The following ZNF385C variants were observed in gnomAD, a reference collection of about 807,000 sequenced individuals.
ZNF385C encodes the protein zinc finger protein 385C.
Under a neutral mutation model 35.4 loss-of-function variants are expected in ZNF385C, and 28 were observed. The ratio of observed to expected loss-of-function variants is 0.79; its 90% confidence interval spans 0.59 to 1.08. ZNF385C has a LOEUF of 1.08. Ranked by LOEUF, ZNF385C falls within the 50% of genes least tolerant of loss-of-function variation. The pLI is 0.00. For missense variants in ZNF385C, 605 were observed against 595.6 expected (o/e 1.02, Z -0.16); for synonymous variants, 248 against 248.2 (o/e 1.00, Z 0.01).
intron 2 of ZNF385C, among the ~76,000 whole-genome samples, chr17:42,057,183 C>T (rs782140664): frequency 6.6e-6 from 1 of 152,032 alleles, no homozygotes; most frequent in Non-Finnish European, 1.5e-5. Context: ...GACCCAAACC[C>T]AACTGTGTGG....
chr17:42,057,512 G>A (rs1275170464), intron 2 of ZNF385C, among the ~76,000 whole-genome samples: 1 of 44,384 alleles, frequency 2.3e-5, no homozygotes, highest in African/African-American at 5.4e-5. Flanking sequence ...GCGCGCGCGC[G>A]CGTGTGTGTG....
chr17:42,067,161 C>T (rs1343729785), intron 1 of ZNF385C, among the ~76,000 whole-genome samples: 3 of 152,144 alleles, frequency 2.0e-5, no homozygotes, highest in African/African-American at 7.2e-5. Context: ...ACCTCAAACA[C>T]TTGGGCTGAA....
At chr17:42,096,219 G>C (rs116191006) in intron 1 of ZNF385C, among the ~76,000 whole-genome samples, 1 of 152,160 alleles carries the variant, frequency 6.6e-6, no homozygotes, top group African/African-American at 2.4e-5. Flanking sequence ...TTCACTGTCC[G>C]TAGGGGTGCA....
At chr17:42,040,493 G>C (rs1253274000) in intron 2 of ZNF385C, 13 of 1,232,396 alleles carry the variant, frequency 1.1e-5, no homozygotes, top group Non-Finnish European at 1.3e-5. Context: ...ACAAGGGAGA[G>C]CTTCTGCACA....
intron 1 of ZNF385C, among the ~76,000 whole-genome samples, chr17:42,096,724 C>T (rs1190073165): frequency 6.6e-6 from 1 of 152,138 alleles, no homozygotes; most frequent in Non-Finnish European, 1.5e-5. Context: ...GTCTCCAAGC[C>T]AGAGCTTGTT....
At chr17:42,028,735 G>A (rs1555654621) in intron 6 of ZNF385C, 48 bp downstream of exon 6, 1 of 1,519,458 alleles carries the variant, frequency 6.6e-7, no homozygotes, top group Non-Finnish European at 8.9e-7. Flanking sequence ...GCGAGGCTTA[G>A]CTTCTGTCCC....
rs551309975 is a variant in ZNF385C, at chr17:42,034,935, T to C, written c.400-600A>G. 4.0e-5 allele frequency among the ~76,000 whole-genome samples: 6 copies of C among 151,354 alleles called. No individual in the cohort carries two copies. In the South Asian group the frequency reaches 1.3e-3, roughly 32 times the overall value. On this transcript the variant is annotated intron_variant, in intron 3 of 8. Coordinates refer to ENST00000692273, the MANE Select transcript of ZNF385C (RefSeq NM_001392013.1). ...TGAGGTCAGGAGTTCAAGACCAGCC[T>C]GGCCAAGAGAAACTCCTTCTCTACT... is the stretch of plus-strand genomic sequence containing the variant.
At chr17:42,053,348 C>T (rs2053318740) in intron 2 of ZNF385C, among the ~76,000 whole-genome samples, 2 of 151,990 alleles carry the variant, frequency 1.3e-5, no homozygotes, top group African/African-American at 4.8e-5. Context: ...GGGAGGGGAG[C>T]ATTGATTTGG....
At chr17:42,076,662 G>A (rs1243320797) in intron 1 of ZNF385C, among the ~76,000 whole-genome samples, 1 of 152,152 alleles carries the variant, frequency 6.6e-6, no homozygotes. Context: ...GAGGCTCTGA[G>A]AAGTTAACTT....
intron 2 of ZNF385C, among the ~76,000 whole-genome samples, chr17:42,041,788 C>G (rs2053028603): frequency 6.6e-6 from 1 of 152,106 alleles, no homozygotes; most frequent in South Asian, 2.1e-4. Context: ...CCAACCCAGC[C>G]CATAGGACTT....
At chr17:42,071,697 AGAG>A (rs1416316011) in intron 1 of ZNF385C, among the ~76,000 whole-genome samples, 6 of 152,220 alleles carry the variant, frequency 3.9e-5, no homozygotes, top group African/African-American at 1.4e-4. Context: ...CTCAGCAGGC[AGAG>A]GAGACCCGCC....
chr17:42,068,833 G>A (rs1358680944), intron 1 of ZNF385C, among the ~76,000 whole-genome samples: 1 of 152,192 alleles, frequency 6.6e-6, no homozygotes, highest in Non-Finnish European at 1.5e-5. Flanking sequence ...CTTAAAGCCT[G>A]CCAAATCCTG....
intron 2 of ZNF385C, among the ~76,000 whole-genome samples, chr17:42,057,654 A>G (rs1037275488): frequency 2.8e-4 from 43 of 151,892 alleles, no homozygotes; most frequent in African/African-American, 1.0e-3. Context: ...ATTCCTGAAG[A>G]ATGAAAGAGG....
chr17:42,030,487 CAAAA>C (rs1227479819), intron 5 of ZNF385C, among the ~76,000 whole-genome samples: 1 of 151,410 alleles, frequency 6.6e-6, no homozygotes, highest in African/African-American at 2.4e-5. Context: ...GACTCTGTCT[CAAAA>C]AACAAACAAA....
chr17:42,088,404 C>T (rs533413124), intron 1 of ZNF385C, among the ~76,000 whole-genome samples: 1 of 152,388 alleles, frequency 6.6e-6, no homozygotes, highest in Admixed American at 6.5e-5. Flanking sequence ...CTGACAGAGG[C>T]CCCTTTGTCT....
At chr17:42,049,479 G>C (rs1315701775) in intron 2 of ZNF385C, among the ~76,000 whole-genome samples, 1 of 152,222 alleles carries the variant, frequency 6.6e-6, no homozygotes, top group Non-Finnish European at 1.5e-5. Flanking sequence ...ACACAGTTGG[G>C]CAGTGAATAA....
At chr17:42,051,226 T>G (rs1251128968) in intron 2 of ZNF385C, among the ~76,000 whole-genome samples, 1 of 151,822 alleles carries the variant, frequency 6.6e-6, no homozygotes, top group Non-Finnish European at 1.5e-5. Flanking sequence ...GGAAGCCTCC[T>G]CCGGAGGAGT....
chr17:42,097,543 CCCTTTGTTCTATAAT>C (rs2053930877), intron 1 of ZNF385C, among the ~76,000 whole-genome samples: 1 of 152,132 alleles, frequency 6.6e-6, no homozygotes, highest in African/African-American at 2.4e-5. Context: ...GTCCTGACTT[CCCTTTGTTCTATAAT>C]CCAGGGTCCT....
At chr17:42,038,324 T>C (rs1488154280) in intron 2 of ZNF385C, 3 of 432,856 alleles carry the variant, frequency 6.9e-6, no homozygotes, top group Non-Finnish European at 1.2e-5. Context: ...TCTCTAACTA[T>C]CCTCCCTCCC....
Sources: allele counts gnomAD v4.1 joint callset (sites outside exome capture counted in the v4.1 genomes callset), GRCh38; gene constraint gnomAD v4.1.1; transcripts MANE v1.5; gene names NCBI Gene and HGNC (gene_info 2026-07-23, HGNC 2026-07-21).